Variants in XYLT1 observed in about 807,000 individuals in gnomAD.
XYLT1 encodes the protein beta-D-xylosyltransferase 1.
A neutral mutation model predicts 91.3 loss-of-function variants in XYLT1; 36 were observed. The observed-to-expected ratio is 0.39, with a 90% CI of 0.30 to 0.52. The LOEUF (loss-of-function observed/expected upper bound fraction) is 0.52, where lower values mean the gene tolerates loss of function less well. Among genes scored for constraint, XYLT1 ranks in the 20% least tolerant of loss-of-function variants. XYLT1 has a pLI of 0.68. For synonymous variants in XYLT1, 588 were observed against 532.0 expected, an observed-to-expected ratio of 1.11 and a Z score of -1.45; for missense variants, 1,242 against 1,284.5, an observed-to-expected ratio of 0.97 and a Z score of 0.51.
intron 10 of XYLT1, among the ~76,000 whole-genome samples, 178 bp downstream of exon 10, chr16:17,127,488 A>G (rs1001337187): frequency 7.2e-5 from 11 of 152,190 alleles, no homozygotes; most frequent in African/African-American, 2.4e-4. Context: ...CCTGTTTAAG[A>G]TGCTGGTGCC....
At chr16:17,168,781 C>T (rs1597165488) in intron 5 of XYLT1, among the ~76,000 whole-genome samples, 1 of 152,136 alleles carries the variant, frequency 6.6e-6, no homozygotes, top group Non-Finnish European at 1.5e-5. Context: ...GGCCTCCAGG[C>T]TCCTCTTTAC....
intron 3 of XYLT1, among the ~76,000 whole-genome samples, chr16:17,234,008 G>C (rs1342578585): frequency 2.6e-5 from 4 of 152,076 alleles, no homozygotes; most frequent in Admixed American, 6.6e-5. Context: ...GTTTCCTCAT[G>C]GGCCAAGCAA....
intron 1 of XYLT1, among the ~76,000 whole-genome samples, chr16:17,384,507 C>A (rs2035723246): frequency 1.3e-5 from 2 of 151,900 alleles, no homozygotes; most frequent in South Asian, 4.1e-4. Context: ...CTCAGGAAGA[C>A]TGTGCATTCA....
intron 3 of XYLT1, among the ~76,000 whole-genome samples, chr16:17,254,248 T>G (rs957467416): frequency 2.0e-5 from 3 of 152,098 alleles, no homozygotes; most frequent in African/African-American, 4.8e-5. Flanking sequence ...CCTCTCCTCC[T>G]TCTTCTCCTC....
chr16:17,313,022 G>T (rs1048205446), intron 2 of XYLT1, among the ~76,000 whole-genome samples: 2 of 152,210 alleles, frequency 1.3e-5, no homozygotes, highest in Non-Finnish European at 1.5e-5. Context: ...GGGCATGTCC[G>T]CCCAGGGCCA....
At chr16:17,464,361 G>C (rs556195469) in intron 1 of XYLT1, among the ~76,000 whole-genome samples, 71 of 151,946 alleles carry the variant, frequency 4.7e-4, no homozygotes, top group African/African-American at 1.6e-3. Flanking sequence ...GTGTGGTGGC[G>C]GGTGCCTGTA....
intron 3 of XYLT1, among the ~76,000 whole-genome samples, chr16:17,208,204 T>G (rs2032691387): frequency 8.6e-6 from 1 of 115,810 alleles, no homozygotes; most frequent in Admixed American, 9.9e-5. Flanking sequence ...CAGGCTGGTC[T>G]CAAACTCCTG....
chr16:17,345,772 T>G (rs2035135433), intron 2 of XYLT1, among the ~76,000 whole-genome samples: 1 of 151,924 alleles, frequency 6.6e-6, no homozygotes, highest in Non-Finnish European at 1.5e-5. Context: ...TCCCAACAAG[T>G]CTAGGAGGTG....
At chr16:17,154,751 G>C (rs938838472) in intron 6 of XYLT1, among the ~76,000 whole-genome samples, 5 of 152,176 alleles carry the variant, frequency 3.3e-5, no homozygotes, top group African/African-American at 9.7e-5. Context: ...TAGAATACTA[G>C]TTTGCCTTTA....
intron 1 of XYLT1, among the ~76,000 whole-genome samples, chr16:17,390,284 T>C (rs1457854852): frequency 6.6e-6 from 1 of 152,154 alleles, no homozygotes; most frequent in Admixed American, 6.5e-5. Context: ...TGCGGCTGTA[T>C]GTACGTGAAT....
chr16:17,342,268 C>T (rs1191406970), intron 2 of XYLT1, among the ~76,000 whole-genome samples: 1 of 152,196 alleles, frequency 6.6e-6, no homozygotes, highest in Non-Finnish European at 1.5e-5. Flanking sequence ...TGCAGAGCTC[C>T]ACCACTCATG....
intron 2 of XYLT1, among the ~76,000 whole-genome samples, chr16:17,280,439 T>G (rs1178410693): frequency 1.3e-5 from 2 of 152,192 alleles, no homozygotes; most frequent in African/African-American, 4.8e-5. Flanking sequence ...ACTTCAATAT[T>G]TTCCTAATAC....
At chr16:17,206,005 C>T (rs1473136360) in intron 3 of XYLT1, among the ~76,000 whole-genome samples, 1 of 152,068 alleles carries the variant, frequency 6.6e-6, no homozygotes, top group Admixed American at 6.6e-5. Context: ...CAGCTGGAGC[C>T]CAGCTTCTAT....
chr16:17,118,258 CAT>C (rs1252959468), intron 10 of XYLT1, among the ~76,000 whole-genome samples: 5 of 130,052 alleles, frequency 3.8e-5, no homozygotes, highest in African/African-American at 1.1e-4. Flanking sequence ...GAAAACCACA[CAT>C]GAGCTGAATG....
At position 17,258,789 on chromosome 16, in the gene XYLT1, T is replaced by C. The variant is rs927461955; in HGVS notation, c.913+199A>G. Among the ~76,000 whole-genome samples, 3 of 152,200 alleles carry C rather than the reference T, an allele frequency of 2.0e-5. No individual in the cohort carries two copies. The East Asian group carries it at 5.8e-4, about 29-fold the overall frequency. On this transcript the variant is annotated intron_variant, in intron 3 of 11. Coordinates refer to ENST00000261381, the MANE Select transcript of XYLT1 (RefSeq NM_022166.4). ...GTTAAAGCACCTACAAAAGGTAATC[T>C]GATTTTGCAAAATTTTTCTGATACA...
intron 1 of XYLT1, among the ~76,000 whole-genome samples, chr16:17,431,790 CAG>C (rs1182046924): frequency 6.6e-6 from 1 of 152,224 alleles, no homozygotes; most frequent in African/African-American, 2.4e-5. Flanking sequence ...CAGCGTGACA[CAG>C]AGCATTTTTT....
At chr16:17,208,235 A>G (rs368303145) in intron 3 of XYLT1, among the ~76,000 whole-genome samples, 5 of 76,286 alleles carry the variant, frequency 6.6e-5, no homozygotes, top group Non-Finnish European at 1.4e-4. Flanking sequence ...ATCCTCCCTT[A>G]GCCTCCCAAA....
chr16:17,114,674 A>T (rs1250663469), intron 11 of XYLT1, among the ~76,000 whole-genome samples: 1 of 152,172 alleles, frequency 6.6e-6, no homozygotes, highest in South Asian at 2.1e-4. Context: ...CACCCAATCC[A>T]GAACTCTTCA....
At chr16:17,183,164 C>T (rs754810480) in intron 5 of XYLT1, among the ~76,000 whole-genome samples, 2 of 152,196 alleles carry the variant, frequency 1.3e-5, no homozygotes, top group Non-Finnish European at 2.9e-5. Context: ...GGGCAAGTCA[C>T]TTGAACACTC....
Sources: gnomAD v4.1 joint callset for allele counts (sites outside exome capture counted in the v4.1 genomes callset) on GRCh38, gnomAD v4.1.1 for gene constraint, MANE v1.5 for transcripts, NCBI Gene and HGNC (gene_info 2026-07-23, HGNC 2026-07-21) for gene names.